The following RYR2 variants were observed in gnomAD, a reference collection of about 807,000 sequenced individuals.
RYR2 encodes cardiac muscle ryanodine receptor-calcium release channel.
Under a neutral mutation model 601.1 loss-of-function variants are expected in RYR2, and 227 were observed. The ratio of observed to expected loss-of-function variants is 0.38; its 90% CI spans 0.34 to 0.42. The LOEUF (loss-of-function observed/expected upper bound fraction) is 0.42, where lower values mean the gene tolerates loss of function less well. Among genes scored for constraint, RYR2 ranks in the 10% least tolerant of loss-of-function variants. The pLI is 1.00. For synonymous variants in RYR2, 2,223 were observed against 2,175.1 expected (o/e 1.02, Z -0.61); for missense variants, 4,646 against 6,156.5 (o/e 0.75, Z 8.21).
At chr1:237,098,710 G>T (rs914902647) in intron 1 of RYR2, among the ~76,000 whole-genome samples, 5 of 152,188 alleles carry the variant, frequency 3.3e-5, no homozygotes, top group African/African-American at 1.2e-4. Flanking sequence ...TCACTTACAT[G>T]TGGAATCTAA....
chr1:237,761,093 C>G, intron 84 of RYR2, 65 bp downstream of exon 84: 4 of 886,602 alleles, frequency 4.5e-6, no homozygotes, highest in Non-Finnish European at 7.3e-6. Context: ...AGTCAATTAT[C>G]AATTACCTTT....
rs754911836 is a variant in RYR2 at position 237,387,300 on chromosome 1, G to A, written c.596G>A (p.Gly199Asp). 1 of 1,613,946 alleles carries A rather than the reference G, an allele frequency of 6.2e-7. No homozygotes were observed. Reference sequence around the variant, plus strand: ...ATACAGCACTTGTCTTATGGCAACGGCAGCTTACACGTGGATGCCGCTTTC... The same window carrying A: ...ATACAGCACTTGTCTTATGGCAACGACAGCTTACACGTGGATGCCGCTTTC... ...ERYLHLSYGN[G>D]SLHVDAAFQQ... Residue 199 changes from glycine (G) to aspartate (D), a missense_variant, in exon 9 of 105, where the codon GGC becomes GAC. Transcript: ENST00000366574.
chr1:237,791,796 C>T, intron 93 of RYR2: 3 of 555,268 alleles, frequency 5.4e-6, no homozygotes, highest in South Asian at 2.5e-5. Flanking sequence ...GTGACTATGC[C>T]TGGGTGTGGC....
At chr1:237,044,573 A>G (rs1380587931) in intron 1 of RYR2, among the ~76,000 whole-genome samples, 2 of 152,098 alleles carry the variant, frequency 1.3e-5, no homozygotes, top group African/African-American at 2.4e-5. Context: ...TTTTCTTTTA[A>G]TAAAACATCC....
At chr1:237,661,085 C>CTA (rs1161462377) in intron 56 of RYR2, 138 bp downstream of exon 56, 7 of 812,720 alleles carry the variant, frequency 8.6e-6, no homozygotes, top group East Asian at 6.9e-5. Flanking sequence ...GAGAAAAAAG[C>CTA]TATATATATA....
chr1:237,603,733 C>T (rs1408766111), intron 35 of RYR2, among the ~76,000 whole-genome samples: 2 of 152,120 alleles, frequency 1.3e-5, no homozygotes, highest in African/African-American at 4.8e-5. Context: ...GGAGGAAGAT[C>T]TACCAAGCAA....
chr1:237,244,228 G>A (rs551585601), intron 1 of RYR2, among the ~76,000 whole-genome samples: 4 of 152,254 alleles, frequency 2.6e-5, no homozygotes, highest in African/African-American at 4.8e-5. Context: ...TCGTGCACAA[G>A]GTAGTATTTA....
intron 2 of RYR2, among the ~76,000 whole-genome samples, chr1:237,276,608 G>C (rs1690312376): frequency 6.6e-6 from 1 of 152,130 alleles, no homozygotes; most frequent in African/African-American, 2.4e-5. Flanking sequence ...CAAGGATAAA[G>C]GGAGTACAAA....
At chr1:237,400,272 A>G (rs1703229191) in intron 10 of RYR2, among the ~76,000 whole-genome samples, 1 of 152,214 alleles carries the variant, frequency 6.6e-6, no homozygotes, top group African/African-American at 2.4e-5. Flanking sequence ...CAAAGAGCAA[A>G]GATTTCTGGG....
At chr1:237,502,728 C>A (rs1421544387) in intron 21 of RYR2, among the ~76,000 whole-genome samples, 1 of 151,746 alleles carries the variant, frequency 6.6e-6, no homozygotes, top group Non-Finnish European at 1.5e-5. Context: ...CCTAACAGGC[C>A]GCGGACTGGT....
chr1:237,081,443 C>G (rs1354889475), intron 1 of RYR2, among the ~76,000 whole-genome samples: 1 of 151,788 alleles, frequency 6.6e-6, no homozygotes, highest in Non-Finnish European at 1.5e-5. Context: ...TCTAAAGGGA[C>G]AACCAAGATC....
At chr1:237,523,652 G>A (rs991491295) in intron 24 of RYR2, among the ~76,000 whole-genome samples, 61 of 152,052 alleles carry the variant, frequency 4.0e-4, no homozygotes, top group African/African-American at 1.4e-3. Flanking sequence ...CAGGAGAATT[G>A]CTTGAACCTG....
chr1:237,147,930 A>G (rs1034201859), intron 1 of RYR2, among the ~76,000 whole-genome samples: 1 of 152,212 alleles, frequency 6.6e-6, no homozygotes, highest in African/African-American at 2.4e-5. Context: ...TCCACTAGTT[A>G]CCTTGATTTG....
At chr1:237,598,757 G>A (rs1676165810) in intron 34 of RYR2, among the ~76,000 whole-genome samples, 1 of 151,700 alleles carries the variant, frequency 6.6e-6, no homozygotes. Flanking sequence ...ACAAATACAA[G>A]AACAAACTAA....
In RYR2 at chr1:237,330,982, G is replaced by C. The variant is rs777035526; in HGVS notation, c.273G>C (p.Gly91=). The change falls in exon 3 of 105, where the codon GGG becomes GGC. Residue 91 remains glycine (G), a splice_region_variant and synonymous_variant. Coordinates refer to ENST00000366574, the MANE Select transcript of RYR2 (RefSeq NM_001035.3). ...CTAACACCGTGGAGAAATCAGAAGG[G>C]GCAAGTACCCAATTTATGTAGACTT... ...MLANTVEKSE[G]QVDVEKWKFM... The C allele has an allele frequency of 6.2e-6, 10 of 1,611,724 alleles. No homozygotes were observed. In the South Asian group the frequency reaches 1.1e-4, roughly 18 times the overall value.
intron 11 of RYR2, 23 bp downstream of exon 11, chr1:237,417,146 G>A (rs1282354570): frequency 4.5e-6 from 7 of 1,572,216 alleles, no homozygotes; most frequent in Admixed American, 1.7e-5. Context: ...TCTAAACACA[G>A]CCTAATGCAC....
At chr1:237,756,438 G>C in intron 81 of RYR2, 51 bp downstream of exon 81, 2 of 1,250,670 alleles carry the variant, frequency 1.6e-6, no homozygotes, top group East Asian at 2.4e-5. Context: ...AGATTTCCTC[G>C]TTGCTCTCAA....
chr1:237,139,920 C>T (rs1673201256), intron 1 of RYR2, among the ~76,000 whole-genome samples: 2 of 152,158 alleles, frequency 1.3e-5, no homozygotes, highest in South Asian at 4.1e-4. Context: ...AACGTGTGTG[C>T]AGAGATGCAG....
intron 73 of RYR2, among the ~76,000 whole-genome samples, chr1:237,722,600 A>AT (rs1457496053): frequency 1.3e-5 from 2 of 151,768 alleles, no homozygotes; most frequent in East Asian, 3.9e-4. Context: ...CGCCTGGCTA[A>AT]TTTTTTGTAT....
Sources: gnomAD v4.1 joint callset for allele counts (sites outside exome capture counted in the v4.1 genomes callset) on GRCh38, gnomAD v4.1.1 for gene constraint, MANE v1.5 for transcripts, NCBI Gene and HGNC (gene_info 2026-07-23, HGNC 2026-07-21) for gene names.